TTC34: variants seen among roughly 807,000 people sequenced by gnomAD.
The protein encoded by TTC34 is tetratricopeptide repeat domain 34.
A neutral mutation model predicts 40.7 loss-of-function variants in TTC34; 44 were observed. The observed-to-expected ratio is 1.08, with a 90% CI of 0.85 to 1.39. TTC34 has a LOEUF of 1.39. Among genes scored for constraint, TTC34 ranks in the 40% most tolerant of loss-of-function variants. The probability of loss-of-function intolerance (pLI) is 0.00; values close to 1 mark genes in which losing one functional copy is unlikely to be tolerated. For synonymous variants in TTC34, 422 were observed against 398.6 expected, an observed-to-expected ratio of 1.06 and a Z score of -0.70; for missense variants, 884 against 838.0, an observed-to-expected ratio of 1.05 and a Z score of -0.68.
intron 6 of TTC34, among the ~76,000 whole-genome samples, chr1:2,756,252 G>T (rs1469635353): frequency 2.0e-5 from 1 of 48,898 alleles, no homozygotes; most frequent in Non-Finnish European, 3.3e-5. Flanking sequence ...TGATGGCCTG[G>T]AACTGCACCC....
At chr1:2,778,343 C>T (rs1643380343) in intron 6 of TTC34, among the ~76,000 whole-genome samples, 1 of 152,234 alleles carries the variant, frequency 6.6e-6, no homozygotes, top group African/African-American at 2.4e-5. Context: ...TCATCTCTGG[C>T]AGCCCCCACA....
At chr1:2,693,667 C>A (rs200382622) in intron 6 of TTC34, among the ~76,000 whole-genome samples, 2 of 67,220 alleles carry the variant, frequency 3.0e-5, no homozygotes, top group African/African-American at 1.0e-4. Context: ...GTGCCCACAC[C>A]CCCAGGTGAG....
exon 3 of TTC34, chr1:2,790,152 C>A (rs904235082): frequency 2.0e-5 from 8 of 398,260 alleles, no homozygotes; most frequent in Admixed American, 4.4e-5. Flanking sequence ...GCGAAGCCCA[C>A]GTCCGCGGCC....
chr1:2,688,749 A>T (rs1314188367), intron 6 of TTC34, among the ~76,000 whole-genome samples: 1 of 117,480 alleles, frequency 8.5e-6, no homozygotes, highest in South Asian at 2.8e-4. Context: ...TGAGGATCTG[A>T]CCGCCTGGAA....
chr1:2,693,470 C>G (rs1222570852), intron 6 of TTC34, among the ~76,000 whole-genome samples: 3 of 75,702 alleles, frequency 4.0e-5, no homozygotes, highest in African/African-American at 5.5e-5. Flanking sequence ...CCTGCACCCC[C>G]AAGTGAGCAT....
At chr1:2,657,498 C>A (rs1453929806) in intron 6 of TTC34, among the ~76,000 whole-genome samples, 2 of 96,722 alleles carry the variant, frequency 2.1e-5, no homozygotes, top group South Asian at 3.0e-4. Context: ...GCAGCACCCA[C>A]AACCCCAGGC....
Position 2,798,330 on chromosome 1 carries a change from T to C in TTC34, c.784+1714A>G, listed in dbSNP as rs1188733215. The stretch of plus-strand genomic sequence containing the variant: ...CCCAGCCCCCCAGCCTCCCAGCCTC[T>C]CAGCCTCTTAGCCCCTTAGCTCCCC... On this transcript the variant is annotated intron_variant, in intron 2 of 8. Coordinates refer to ENST00000401095, the Ensembl canonical transcript of TTC34. Among the ~76,000 whole-genome samples, 3 of 27,976 alleles carry C rather than the reference T, an allele frequency of 1.1e-4. No individual in the cohort carries two copies. In the Admixed American group the frequency reaches 1.4e-3, roughly 13 times the overall value. The allele number at this position is 27,976 out of a possible 152,430, so 18.4% of individuals were successfully genotyped here.
chr1:2,749,482 A>G (rs1641247268), intron 6 of TTC34, among the ~76,000 whole-genome samples: 1 of 98,312 alleles, frequency 1.0e-5, no homozygotes, highest in Non-Finnish European at 2.0e-5. Context: ...CAGCACCCAC[A>G]TCCCCAGGTG....
At chr1:2,644,765 G>A (rs887876414) in intron 7 of TTC34, among the ~76,000 whole-genome samples, 1 of 152,220 alleles carries the variant, frequency 6.6e-6, no homozygotes, top group Admixed American at 6.5e-5. Context: ...GCCTGCTGGC[G>A]CAGAGTGGCA....
At chr1:2,749,113 C>T (rs1641236433) in intron 6 of TTC34, among the ~76,000 whole-genome samples, 5 of 131,434 alleles carry the variant, frequency 3.8e-5, no homozygotes, top group African/African-American at 3.0e-5. Context: ...CCTGGAGCAG[C>T]ACCCACACCC....
exon 9 of TTC34, chr1:2,640,041 G>A (rs1638870291): frequency 6.6e-6 from 1 of 152,382 alleles, no homozygotes. Flanking sequence ...AGTGGGTGGA[G>A]AGGCAGGGGG....
chr1:2,756,632 G>A (rs1641514791), intron 6 of TTC34, among the ~76,000 whole-genome samples: 25 of 148,260 alleles, frequency 1.7e-4, no homozygotes, highest in African/African-American at 5.3e-4. Flanking sequence ...CACACCCCCA[G>A]GTGAGCATCT....
chr1:2,653,906 G>A (rs1256538159), intron 6 of TTC34, among the ~76,000 whole-genome samples: 5 of 150,264 alleles, frequency 3.3e-5, no homozygotes, highest in South Asian at 2.1e-4. Flanking sequence ...GTGAGCATCC[G>A]ACAGCCTGGA....
intron 6 of TTC34, among the ~76,000 whole-genome samples, chr1:2,687,797 G>T (rs562794962): frequency 1.4e-5 from 2 of 148,058 alleles, no homozygotes; most frequent in Non-Finnish European, 3.0e-5. Flanking sequence ...GCCTGGGTCG[G>T]CACCCACACC....
intron 6 of TTC34, among the ~76,000 whole-genome samples, chr1:2,651,957 C>T (rs1159716878): frequency 3.3e-5 from 5 of 152,262 alleles, no homozygotes; most frequent in South Asian, 4.1e-4. Flanking sequence ...GAAGCAGCAC[C>T]TTCCACCTCT....
intron 6 of TTC34, among the ~76,000 whole-genome samples, chr1:2,684,449 A>T (rs1640225459): frequency 7.0e-6 from 1 of 142,284 alleles, no homozygotes; most frequent in Non-Finnish European, 1.6e-5. Flanking sequence ...CCAGGTGAGC[A>T]TCTGACGGCC....
intron 6 of TTC34, among the ~76,000 whole-genome samples, chr1:2,651,806 A>G (rs1382280062): frequency 6.6e-6 from 1 of 150,554 alleles, no homozygotes; most frequent in Non-Finnish European, 1.5e-5. Context: ...ACCCTCCACC[A>G]CCAGGTGATC....
chr1:2,754,784 G>T (rs1641450059), intron 6 of TTC34, among the ~76,000 whole-genome samples: 1 of 151,770 alleles, frequency 6.6e-6, no homozygotes, highest in African/African-American at 2.4e-5. Context: ...CACACCCACA[G>T]GTGAGCATCT....
chr1:2,753,331 C>T (rs1416983729), intron 6 of TTC34, among the ~76,000 whole-genome samples: 1 of 126,974 alleles, frequency 7.9e-6, no homozygotes, highest in African/African-American at 3.3e-5. Flanking sequence ...GAGCATCACC[C>T]ACACCCCCAG....
Sources: allele counts gnomAD v4.1 joint callset (sites outside exome capture counted in the v4.1 genomes callset), GRCh38; gene constraint gnomAD v4.1.1; transcripts MANE v1.5; gene names NCBI Gene and HGNC (gene_info 2026-07-23, HGNC 2026-07-21).